The following EPB41L4B variants were observed in gnomAD, a reference collection of about 807,000 sequenced individuals.
EPB41L4B encodes erythrocyte membrane protein band 4.1 like 4B, also known as band 4.1-like protein 4B.
Under a neutral mutation model 112.5 loss-of-function variants are expected in EPB41L4B, and 30 were observed. The ratio of observed to expected loss-of-function variants is 0.27; its 90% CI spans 0.20 to 0.36. EPB41L4B has a LOEUF of 0.36. Ranked by LOEUF, EPB41L4B falls within the 10% of genes least tolerant of loss-of-function variation. The probability of loss-of-function intolerance (pLI) is 1.00; values close to 1 mark genes in which losing one functional copy is unlikely to be tolerated. For missense variants in EPB41L4B, 1,024 were observed against 1,133.3 expected, an observed-to-expected ratio of 0.90 and a Z score of 1.38; for synonymous variants, 408 against 439.7, an observed-to-expected ratio of 0.93 and a Z score of 0.90.
intron 14 of EPB41L4B, among the ~76,000 whole-genome samples, chr9:109,244,735 T>C (rs1314600645): frequency 2.0e-5 from 3 of 152,180 alleles, no homozygotes; most frequent in Non-Finnish European, 4.4e-5. Context: ...GCAGTGGTCC[T>C]AGACATCAGC....
intron 17 of EPB41L4B, among the ~76,000 whole-genome samples, chr9:109,208,944 A>G (rs1833069647): frequency 6.6e-6 from 1 of 152,200 alleles, no homozygotes; most frequent in Admixed American, 6.5e-5. Context: ...TTATGATAAT[A>G]TACAGTCATT....
intron 14 of EPB41L4B, 130 bp from the exon 15 acceptor site, chr9:109,243,812 C>T (rs1235664079): frequency 1.2e-6 from 1 of 828,684 alleles, no homozygotes; most frequent in East Asian, 2.7e-5. Context: ...TAGACCCTGG[C>T]TAGGGGGTGG....
chr9:109,317,659 G>T (rs545081238), intron 1 of EPB41L4B, among the ~76,000 whole-genome samples: 1 of 152,220 alleles, frequency 6.6e-6, no homozygotes, highest in Non-Finnish European at 1.5e-5. Context: ...GGCTAACGCC[G>T]CCTGAGGGTT....
intron 11 of EPB41L4B, among the ~76,000 whole-genome samples, chr9:109,254,775 T>C (rs979144620): frequency 1.3e-5 from 2 of 152,190 alleles, no homozygotes; most frequent in African/African-American, 4.8e-5. Context: ...TAAGCAAAAA[T>C]ATATCAGAAT....
intron 22 of EPB41L4B, among the ~76,000 whole-genome samples, chr9:109,187,962 GA>G (rs1832329667): frequency 6.6e-6 from 1 of 152,186 alleles, no homozygotes; most frequent in Non-Finnish European, 1.5e-5. Flanking sequence ...ACGTGAGAAG[GA>G]AATAAGATAA....
At chr9:109,189,000 G>A (rs1173351502) in intron 22 of EPB41L4B, among the ~76,000 whole-genome samples, 2 of 152,170 alleles carry the variant, frequency 1.3e-5, no homozygotes, top group Non-Finnish European at 1.5e-5. Flanking sequence ...CATCACTAAT[G>A]CATCAATGTA....
intron 1 of EPB41L4B, among the ~76,000 whole-genome samples, chr9:109,287,621 C>T (rs1157158508): frequency 6.6e-6 from 1 of 152,198 alleles, no homozygotes. Context: ...CTACCTGCCC[C>T]ACATCCATCA....
In EPB41L4B at chr9:109,194,282, C is replaced by T; in HGVS notation, c.2161G>A (p.Val721Ile). 1.2e-6 allele frequency: 2 copies of T among 1,614,174 alleles called. No homozygotes were observed. Among genetic ancestry groups the T allele is most frequent in the Non-Finnish European group, 1.7e-6 (2 of 1,180,036 alleles). The change falls in exon 21 of 26, where the codon GTC (valine) becomes ATC (isoleucine). Residue 721 changes from valine (V) to isoleucine (I), a missense_variant. Coordinates refer to ENST00000374566, the MANE Select transcript of EPB41L4B (RefSeq NM_019114.5). Reference protein sequence around the residue: ...QVSVPLPSPKVQNVSSPHKSE... With the variant: ...QVSVPLPSPKIQNVSSPHKSE... ...TTGTGAGGCGAGCTGACATTCTGGA[C>T]CTTGGGGGACGGCAGCGGCACGGAG... is the stretch of plus-strand genomic sequence containing the variant.
In EPB41L4B at chr9:109,279,835, G is replaced by C; in HGVS notation, c.393C>G (p.Leu131=). Residue 131 remains leucine (L), a synonymous_variant, in exon 2 of 26, where the codon CTC becomes CTG. Coordinates refer to ENST00000374566, the MANE Select transcript of EPB41L4B (RefSeq NM_019114.5). ...VETDYFGLQF[L]DSAQVAHWLD... Reference sequence around the variant, plus strand: ...AACCTACCGCAACCTGGGCAGAGTCGAGGAACTGGAGGCCAAAGTAATCTG... The same window carrying C: ...AACCTACCGCAACCTGGGCAGAGTCCAGGAACTGGAGGCCAAAGTAATCTG... 1.2e-6 allele frequency: 2 copies of C among 1,614,078 alleles called. No individual in the cohort carries two copies. The highest frequency in any genetic ancestry group is 1.1e-5 in the South Asian group (1 of 91,074).
chr9:109,305,785 T>G (rs777369528), intron 1 of EPB41L4B, among the ~76,000 whole-genome samples: 1 of 151,772 alleles, frequency 6.6e-6, no homozygotes, highest in Non-Finnish European at 1.5e-5. Context: ...TAGCTGGGCA[T>G]GGTGACCCAG....
chr9:109,200,133 G>C (rs948077141), intron 20 of EPB41L4B, 103 bp downstream of exon 20: 49 of 853,116 alleles, frequency 5.7e-5, no homozygotes, highest in Admixed American at 2.5e-4. Context: ...TGGAATTTGG[G>C]GGCTGCTCCC....
chr9:109,207,469 G>A (rs962001730), intron 18 of EPB41L4B, among the ~76,000 whole-genome samples: 1 of 152,180 alleles, frequency 6.6e-6, no homozygotes, highest in African/African-American at 2.4e-5. Flanking sequence ...CTACTCGGGA[G>A]GCTGAGGCAG....
intron 1 of EPB41L4B, among the ~76,000 whole-genome samples, chr9:109,314,400 C>T (rs1404679122): frequency 6.6e-6 from 1 of 152,152 alleles, no homozygotes; most frequent in Non-Finnish European, 1.5e-5. Context: ...GAACAGAATT[C>T]AATGAGATTA....
chr9:109,173,418 T>TC lies in EPB41L4B; in HGVS notation c.*1135_*1136insG, dbSNP rs1831698492. On this transcript the variant is annotated 3_prime_UTR_variant, in exon 26 of 26. Transcript: ENST00000374566. ...AATCCAAAAGAAGGAGCAGTTTTTTTTTTTTACAGACATTCATAGCAGCAC... is the reference window on the plus strand; with the variant it reads ...AATCCAAAAGAAGGAGCAGTTTTTTTCTTTTTACAGACATTCATAGCAGCAC... 2 of 152,534 alleles carry TC rather than the reference T, an allele frequency of 1.3e-5. No individual in the cohort carries two copies. The highest frequency in any genetic ancestry group is 2.9e-5 in the Non-Finnish European group (2 of 68,026). The allele number at this position is 152,534 out of a possible 1,614,324, so 9.4% of individuals were successfully genotyped here.
intron 14 of EPB41L4B, among the ~76,000 whole-genome samples, chr9:109,245,017 G>A (rs1325836639): frequency 2.0e-5 from 3 of 152,188 alleles, no homozygotes; most frequent in Non-Finnish European, 2.9e-5. Flanking sequence ...CTGTCAGCAA[G>A]CAGACTCTGC....
In EPB41L4B at chr9:109,213,708, T is replaced by A. The variant is rs911463915; in HGVS notation, c.1744A>T (p.Ile582Leu). The change falls in exon 17 of 26, where the codon ATA (isoleucine) becomes TTA (leucine). Residue 582 changes from isoleucine to leucine, a missense_variant. Coordinates refer to ENST00000374566, the MANE Select transcript of EPB41L4B (RefSeq NM_019114.5). ...GCCCCGGCCCTTGGCACCTTGTTTATGTTGATGTGCAGAGGAGGCCAGGGT... is the reference window on the plus strand; with the variant it reads ...GCCCCGGCCCTTGGCACCTTGTTTAAGTTGATGTGCAGAGGAGGCCAGGGT... The part of the protein sequence containing the change: ...AGPWPPLHIN[I>L]NKAEEKKVSE... 6.2e-7 allele frequency: 1 copy of A among 1,613,866 alleles called. No homozygotes were observed. Among genetic ancestry groups the A allele is most frequent in the Admixed American group, 1.7e-5 (1 of 60,014 alleles).
chr9:109,261,022 C>A (rs1305809970), intron 6 of EPB41L4B, among the ~76,000 whole-genome samples: 2 of 152,138 alleles, frequency 1.3e-5, no homozygotes, highest in Non-Finnish European at 2.9e-5. Context: ...TTCGTGACAC[C>A]CTGACATCTA....
At chr9:109,222,321 CAGT>C (rs1474280373) in intron 15 of EPB41L4B, among the ~76,000 whole-genome samples, 1 of 152,144 alleles carries the variant, frequency 6.6e-6, no homozygotes, top group African/African-American at 2.4e-5. Flanking sequence ...CCTAAGCAAG[CAGT>C]AGAATGACTC....
At chr9:109,264,079 TACAC>T (rs750269007) in intron 5 of EPB41L4B, among the ~76,000 whole-genome samples, 2 of 151,692 alleles carry the variant, frequency 1.3e-5, no homozygotes, top group Non-Finnish European at 2.9e-5. Flanking sequence ...TAAAAAAAAG[TACAC>T]ACACTCATAA....
Sources: gnomAD v4.1 joint callset for allele counts (sites outside exome capture counted in the v4.1 genomes callset) on GRCh38, gnomAD v4.1.1 for gene constraint, MANE v1.5 for transcripts, NCBI Gene and HGNC (gene_info 2026-07-23, HGNC 2026-07-21) for gene names.